Variants in KIF13B observed in about 807,000 individuals in gnomAD.
KIF13B encodes kinesin-like protein KIF13B.
Under a neutral mutation model 222.0 loss-of-function variants are expected in KIF13B, and 127 were observed. The observed-to-expected ratio is 0.57, with a 90% confidence interval of 0.50 to 0.66. KIF13B has a LOEUF of 0.66. Among genes scored for constraint, KIF13B ranks in the 30% least tolerant of loss-of-function variants. The pLI is 0.00. For synonymous variants in KIF13B, 976 were observed against 919.0 expected, an observed-to-expected ratio of 1.06 and a Z score of -1.12; for missense variants, 2,173 against 2,379.0, an observed-to-expected ratio of 0.91 and a Z score of 1.80.
At chr8:29,117,846 C>CACCT (rs1478048993) in intron 30 of KIF13B, among the ~76,000 whole-genome samples, 1 of 152,224 alleles carries the variant, frequency 6.6e-6, no homozygotes, top group Non-Finnish European at 1.5e-5. Context: ...ACACTGCTTT[C>CACCT]ACCTATTCTT....
chr8:29,084,320 T>C (rs1186654480), intron 37 of KIF13B, among the ~76,000 whole-genome samples: 2 of 152,262 alleles, frequency 1.3e-5, no homozygotes, highest in Non-Finnish European at 2.9e-5. Flanking sequence ...CAAAACATCA[T>C]CCTTGTGTAC....
rs776999917 is a variant in KIF13B at position 29,147,643 on chromosome 8, A to G, written c.1814-41T>C. ...AAAAAGATACATGATCGAGAGTTACAACATAATAAACTTCAAATGTTGTTC... is the reference window on the plus strand; with the variant it reads ...AAAAAGATACATGATCGAGAGTTACGACATAATAAACTTCAAATGTTGTTC... On this transcript the variant is annotated intron_variant, in intron 16 of 39. Coordinates refer to ENST00000524189, the MANE Select transcript of KIF13B (RefSeq NM_015254.4). 4 of 1,382,990 alleles carry G rather than the reference A, an allele frequency of 2.9e-6. No individual in the cohort carries two copies. In the East Asian group the frequency reaches 9.1e-5, roughly 32 times the overall value. 85.7% of individuals were successfully genotyped at this position (1,382,990 alleles called of 1,614,324 possible).
chr8:29,071,839 G>A lies in KIF13B; in HGVS notation c.4999C>T (p.Pro1667Ser). Reference sequence around the variant, plus strand: ...CCCTCGGCCCCCGGGGAGCAGCCGGGGTCCCCAGCCAGCATGCGCGAGAAG... The same window carrying A: ...CCCTCGGCCCCCGGGGAGCAGCCGGAGTCCCCAGCCAGCATGCGCGAGAAG... ...RSFSRMLAGD[P>S]GCSPGAEGNA... The change falls in exon 39 of 40, where the codon CCC becomes TCC. Residue 1667 changes from proline to serine, a missense_variant. This residue lies in a region of KIF13B where 693 missense variants were observed against 656.2 expected (regional missense o/e 1.06). Transcript: ENST00000524189. This position sits in a 1 kb window ranked among gnomAD's most constrained non-coding sequence, Gnocchi z 4.9. The A allele has an allele frequency of 6.5e-7, 1 of 1,540,526 alleles. No individual in the cohort carries two copies. Among genetic ancestry groups the A allele is most frequent in the Middle Eastern group, 1.7e-4 (1 of 5,716 alleles).
chr8:29,115,043 C>T (rs569050820), intron 31 of KIF13B, among the ~76,000 whole-genome samples: 2 of 152,234 alleles, frequency 1.3e-5, no homozygotes, highest in South Asian at 4.1e-4. Context: ...TGTTGGATTG[C>T]CAAGCTAAAG....
chr8:29,252,082 GA>G (rs922748319), intron 1 of KIF13B, among the ~76,000 whole-genome samples: 1 of 151,512 alleles, frequency 6.6e-6, no homozygotes, highest in Non-Finnish European at 1.5e-5. Flanking sequence ...GGGGAGGAAG[GA>G]AAAAAAGGAA....
chr8:29,194,014 C>T (rs1255190780), intron 3 of KIF13B, among the ~76,000 whole-genome samples: 13 of 147,014 alleles, frequency 8.8e-5, no homozygotes, highest in African/African-American at 3.3e-4. Flanking sequence ...TTAGTAGAGA[C>T]AGGGTTTCAC....
At chr8:29,201,843 G>T (rs1813706373) in intron 2 of KIF13B, among the ~76,000 whole-genome samples, 1 of 152,172 alleles carries the variant, frequency 6.6e-6, no homozygotes. Context: ...TGATGAGTAT[G>T]ATTTTTTTCT....
chr8:29,118,610 G>T (rs111484378), intron 30 of KIF13B, among the ~76,000 whole-genome samples: 2 of 152,188 alleles, frequency 1.3e-5, no homozygotes, highest in African/African-American at 2.4e-5. Context: ...AACAGAGAGA[G>T]CCTCAAGCTC....
At chr8:29,155,636 C>T in intron 14 of KIF13B, 90 bp downstream of exon 14, 1 of 1,188,360 alleles carries the variant, frequency 8.4e-7, no homozygotes, top group Non-Finnish European at 1.2e-6. Context: ...ATGTGGTCAA[C>T]TTAAAAGCAA....
At chr8:29,121,579 G>A (rs1416414392) in intron 29 of KIF13B, among the ~76,000 whole-genome samples, 1 of 117,542 alleles carries the variant, frequency 8.5e-6, no homozygotes, top group Non-Finnish European at 1.7e-5. Flanking sequence ...AGATTTAAAC[G>A]TTAAACCTAA....
At chr8:29,149,045 G>T (rs1811186006) in intron 15 of KIF13B, among the ~76,000 whole-genome samples, 1 of 152,202 alleles carries the variant, frequency 6.6e-6, no homozygotes, top group Non-Finnish European at 1.5e-5. Context: ...AAAGGAAGGT[G>T]CGACAGGAGG....
chr8:29,154,350 G>A (rs1024794860), intron 14 of KIF13B, among the ~76,000 whole-genome samples: 1 of 151,898 alleles, frequency 6.6e-6, no homozygotes, highest in African/African-American at 2.4e-5. Context: ...GGGATCGGGA[G>A]AAGGGAAGGG....
At chr8:29,226,194 C>T (rs1166001991) in intron 2 of KIF13B, among the ~76,000 whole-genome samples, 1 of 151,896 alleles carries the variant, frequency 6.6e-6, no homozygotes, top group Non-Finnish European at 1.5e-5. Flanking sequence ...AAGGTCCTGG[C>T]AGCACAGTAA....
Position 29,184,326 on chromosome 8 carries a change from A to G in KIF13B, c.497+1966T>C, listed in dbSNP as rs571862430. Among the ~76,000 whole-genome samples, 4 of 152,302 alleles carry G rather than the reference A, an allele frequency of 2.6e-5. No homozygotes were observed. In the South Asian group the frequency reaches 8.3e-4, roughly 32 times the overall value. Reference sequence around the variant, plus strand: ...ACTTTGAATCTTCAGAAACTAAAAAAAAAAAATTTCCAAGAAATTTTCACT... The same window carrying G: ...ACTTTGAATCTTCAGAAACTAAAAAGAAAAAATTTCCAAGAAATTTTCACT... On this transcript the variant is annotated intron_variant, in intron 6 of 39. Transcript: ENST00000524189.
intron 5 of KIF13B, 56 bp downstream of exon 5, chr8:29,188,459 G>A (rs970221647): frequency 9.6e-5 from 105 of 1,098,420 alleles, no homozygotes; most frequent in Admixed American, 4.8e-4. Flanking sequence ...AATAAACATG[G>A]TTCTATTTTC....
At chr8:29,137,941 G>A (rs1810639347) in intron 21 of KIF13B, among the ~76,000 whole-genome samples, 1 of 152,244 alleles carries the variant, frequency 6.6e-6, no homozygotes, top group African/African-American at 2.4e-5. Flanking sequence ...TACAGGTAGT[G>A]AATGCAACAG....
At position 29,167,372 on chromosome 8, in the gene KIF13B, C is replaced by A. The variant is rs757190937; in HGVS notation, c.1158+1G>T. ...AGGGCGCACGCGGTGGTGCCTCCTA[C>A]CTCTGCTTTGGTCAGCTGCTCCCGG... On this transcript the variant is annotated splice_donor_variant, in intron 11 of 39. Transcript: ENST00000524189. LOFTEE classifies it high-confidence loss of function. 1.1e-5 allele frequency: 18 copies of A among 1,611,596 alleles called. No homozygotes were observed. Among genetic ancestry groups the A allele is most frequent in the Non-Finnish European group, 1.4e-5 (16 of 1,179,260 alleles).
chr8:29,122,117 G>A (rs1306002331), intron 29 of KIF13B, among the ~76,000 whole-genome samples: 2 of 151,996 alleles, frequency 1.3e-5, no homozygotes, highest in Admixed American at 6.6e-5. Flanking sequence ...AGCCGGGCGT[G>A]GTGGCACAAG....
At chr8:29,157,803 C>A (rs1212910871) in intron 13 of KIF13B, among the ~76,000 whole-genome samples, 2 of 150,682 alleles carry the variant, frequency 1.3e-5, no homozygotes, top group Non-Finnish European at 2.9e-5. Context: ...TGCACTCTCA[C>A]CTGGGTGACA....
Sources: allele counts gnomAD v4.1 joint callset (sites outside exome capture counted in the v4.1 genomes callset), GRCh38; gene constraint gnomAD v4.1.1; regional missense constraint gnomAD v4.1.1; non-coding constraint Gnocchi (gnomAD v3.1); transcripts MANE v1.5; gene names NCBI Gene and HGNC (gene_info 2026-07-23, HGNC 2026-07-21).